The following EHMT1 variants were observed in gnomAD, a reference collection of about 807,000 sequenced individuals.
The protein encoded by EHMT1 is histone-lysine N-methyltransferase EHMT1.
Under a neutral mutation model 147.2 loss-of-function variants are expected in EHMT1, and 15 were observed. The ratio of observed to expected loss-of-function variants is 0.10; its 90% CI spans 0.07 to 0.16. The LOEUF is 0.16. EHMT1 is among the 10% of genes least tolerant of loss of function. The pLI, the probability that EHMT1 is intolerant of heterozygous loss-of-function variation, is 1.00. For synonymous variants in EHMT1, 795 were observed against 709.6 expected (o/e 1.12, Z -1.91); for missense variants, 1,587 against 1,772.4 (o/e 0.90, Z 1.88).
At chr9:137,826,366 C>G (rs1472089227) in intron 25 of EHMT1, among the ~76,000 whole-genome samples, 4 of 152,238 alleles carry the variant, frequency 2.6e-5, no homozygotes, top group African/African-American at 9.6e-5. Context: ...AGAAGATGCA[C>G]TGGGTCACCC....
At position 137,816,112 on chromosome 9, in the gene EHMT1, G is replaced by A. The variant is rs773439599; in HGVS notation, c.3374+50G>A. On this transcript the variant is annotated intron_variant, in intron 23 of 26. Coordinates refer to ENST00000460843, the MANE Select transcript of EHMT1 (RefSeq NM_024757.5). ...CCCCACATTCTGCTCGTATTAGCACGTATTAGCACGGAGGTCACCCCGACA... is the reference window on the plus strand; with the variant it reads ...CCCCACATTCTGCTCGTATTAGCACATATTAGCACGGAGGTCACCCCGACA... 9.2e-6 allele frequency: 14 copies of A among 1,517,748 alleles called. No individual in the cohort carries two copies. The Admixed American group carries it at 9.4e-5, about 10-fold the overall frequency. 94.0% of individuals were successfully genotyped at this position (1,517,748 alleles called of 1,614,324 possible).
chr9:137,743,979 A>G lies in EHMT1; in HGVS notation c.1059A>G (p.Ser353=). The G allele has an allele frequency of 6.2e-6, 10 of 1,614,048 alleles. No individual in the cohort carries two copies. Among genetic ancestry groups the G allele is most frequent in the Non-Finnish European group, 8.5e-6 (10 of 1,179,984 alleles). Residue 353 remains serine (S), a synonymous_variant, in exon 6 of 27, where the codon TCA becomes TCG. Coordinates refer to ENST00000460843, the MANE Select transcript of EHMT1 (RefSeq NM_024757.5). ...SLEMDSDEDD[S]EELEEDDGHG... ...AGATGGACTCGGATGAGGACGACTCAGAGGAGCTCGAGGAGGACGACGGCC... is the reference window on the plus strand; with the variant it reads ...AGATGGACTCGGATGAGGACGACTCGGAGGAGCTCGAGGAGGACGACGGCC...
rs1022398237 is a variant in EHMT1 at position 137,802,210 on chromosome 9, C to T, written c.2712+1226C>T. 1.1e-4 allele frequency among the ~76,000 whole-genome samples: 17 copies of T among 152,220 alleles called. No homozygotes were observed. In the East Asian group the frequency reaches 2.1e-3, roughly 19 times the overall value. On this transcript the variant is annotated intron_variant, in intron 18 of 26. Transcript: ENST00000460843. ...TGGCACTGGGCACGACAGCAAGGGG[C>T]GAGGGGGTACTCTGGTCACCTCCCA...
intron 4 of EHMT1, among the ~76,000 whole-genome samples, chr9:137,736,270 A>G (rs955238781): frequency 6.6e-6 from 1 of 152,260 alleles, no homozygotes; most frequent in Admixed American, 6.5e-5. Flanking sequence ...AGGTATAACA[A>G]TTACCTGGGT....
At position 137,637,129 on chromosome 9, in the gene EHMT1, C is replaced by A. The variant is rs536889746; in HGVS notation, c.21+18080C>A. 4.6e-5 allele frequency among the ~76,000 whole-genome samples: 7 copies of A among 151,922 alleles called. No homozygotes were observed. In the East Asian group the frequency reaches 1.2e-3, roughly 25 times the overall value. ...AGTCAGGATGGTCTCGATCTCCTGACCTCGTGATCTGCCCGTCTCCACCTC... is the reference window on the plus strand; with the variant it reads ...AGTCAGGATGGTCTCGATCTCCTGAACTCGTGATCTGCCCGTCTCCACCTC... On this transcript the variant is annotated intron_variant, in intron 1 of 26. Transcript: ENST00000460843.
At chr9:137,681,989 C>T (rs1466187805) in intron 1 of EHMT1, among the ~76,000 whole-genome samples, 3 of 152,034 alleles carry the variant, frequency 2.0e-5, no homozygotes, top group Non-Finnish European at 2.9e-5. Flanking sequence ...CTCGCTCTGT[C>T]GCCCAGGCTT....
rs1482543233 is a variant in EHMT1, at chr9:137,813,369, T to C, written c.3036-17T>C. 16 of 1,607,104 alleles carry C rather than the reference T, an allele frequency of 1.0e-5. No individual in the cohort carries two copies. In the African/African-American group the frequency reaches 1.1e-4, roughly 11 times the overall value. On this transcript the variant is annotated splice_polypyrimidine_tract_variant and intron_variant, in intron 20 of 26. Transcript: ENST00000460843. This position sits in a 1 kb window ranked among gnomAD's most constrained non-coding sequence, Gnocchi z 4.9. Reference sequence around the variant, plus strand: ...AGCACGTCAGCCACCAGGTGACACCTGTCCTTTCCATGGCAGGGACATCGC... The same window carrying C: ...AGCACGTCAGCCACCAGGTGACACCCGTCCTTTCCATGGCAGGGACATCGC...
rs1046526748 is a variant in EHMT1 at position 137,828,580 on chromosome 9, G to C, written c.3541-5769G>C. Among the ~76,000 whole-genome samples, 1 of 151,970 alleles carries C rather than the reference G, an allele frequency of 6.6e-6. No individual in the cohort carries two copies. The highest frequency in any genetic ancestry group is 1.5e-5 in the Non-Finnish European group (1 of 67,984). On this transcript the variant is annotated intron_variant, in intron 25 of 26. Transcript: ENST00000460843. This position sits in a 1 kb window ranked among gnomAD's most constrained non-coding sequence, Gnocchi z 5.3. ...AGCCACAAAGTGTGCTCCTGCGGGG[G>C]TGCGGGGTGGGGGAGGTACCACGTC...
rs1333148038 is a variant in EHMT1, at chr9:137,835,529, A to G, written c.*576A>G. 6.6e-6 allele frequency: 1 copy of G among 152,476 alleles called. No individual in the cohort carries two copies. The highest frequency in any genetic ancestry group is 1.5e-5 in the Non-Finnish European group (1 of 67,938). The allele number at this position is 152,476 out of a possible 1,614,324, so 9.4% of individuals were successfully genotyped here. On this transcript the variant is annotated 3_prime_UTR_variant, in exon 27 of 27. Coordinates refer to ENST00000460843, the MANE Select transcript of EHMT1 (RefSeq NM_024757.5). ...TGGAGAAAATGTGGGTTTGCTTTTT[A>G]AAGGAATCCTATATCTAGTCCTATA...
chr9:137,674,021 G>A (rs988204947), intron 1 of EHMT1, among the ~76,000 whole-genome samples: 2 of 152,212 alleles, frequency 1.3e-5, no homozygotes, highest in East Asian at 1.9e-4. Flanking sequence ...CAGACAAGGT[G>A]CTGACCAGCT....
At chr9:137,707,022 G>T (rs886540195) in intron 1 of EHMT1, among the ~76,000 whole-genome samples, 2 of 151,996 alleles carry the variant, frequency 1.3e-5, no homozygotes, top group Non-Finnish European at 2.9e-5. Context: ...ACGGGGTTTC[G>T]CCATGTTGGC....
At position 137,774,828 on chromosome 9, in the gene EHMT1, C is replaced by T. The variant is rs115466291; in HGVS notation, c.1648-281C>T. On this transcript the variant is annotated intron_variant, in intron 10 of 26. Transcript: ENST00000460843. The stretch of plus-strand genomic sequence containing the variant: ...GCCCCCTGGATCTGGTGGGTGTGGT[C>T]GCGCCTGGCCCACTGGACCTGCTCA... 0.021 allele frequency among the ~76,000 whole-genome samples: 3,260 copies of T among 152,196 alleles called. 99 individuals are homozygous for T. The highest frequency in any genetic ancestry group is 0.074 in the African/African-American group (3,062 of 41,496).
intron 25 of EHMT1, among the ~76,000 whole-genome samples, chr9:137,822,766 G>GCA (rs1955518622): frequency 6.6e-6 from 1 of 151,976 alleles, no homozygotes; most frequent in African/African-American, 2.4e-5. Flanking sequence ...GGTGGCGCAT[G>GCA]CCTGTAATCC....
At chr9:137,644,328 C>CT (rs34190370) in intron 1 of EHMT1, among the ~76,000 whole-genome samples, 25,361 of 145,252 alleles carry the variant, frequency 0.17, 2,368 homozygotes, top group Admixed American at 0.3. Flanking sequence ...CAGTCACATA[C>CT]TTTTTTTTTT....
intron 1 of EHMT1, chr9:137,664,968 A>G (rs972926147): frequency 6.6e-6 from 1 of 152,168 alleles, no homozygotes; most frequent in African/African-American, 2.4e-5. Flanking sequence ...CCTGGCTGGT[A>G]AGCACAGCTT....
At chr9:137,692,833 AGAGACCTGGGCAGGAGCTGAC>A (rs758135946) in intron 1 of EHMT1, among the ~76,000 whole-genome samples, 5 of 152,154 alleles carry the variant, frequency 3.3e-5, no homozygotes, top group African/African-American at 7.2e-5. Flanking sequence ...GCACCAAGGA[AGAGACCTGGGCAGGAGCTGAC>A]TTCAGAGCCG....
intron 1 of EHMT1, among the ~76,000 whole-genome samples, chr9:137,686,621 C>G (rs1003416919): frequency 6.6e-6 from 1 of 152,076 alleles, no homozygotes; most frequent in African/African-American, 2.4e-5. Context: ...AACTCCTGGC[C>G]TCAAGCTACT....
chr9:137,834,949 T>G lies in EHMT1; in HGVS notation c.3893T>G (p.Leu1298Arg). ...AGCTCCGCGGCTGCCGCCGACCCCCTATGAGACGCCGCCGGCCAGCGGGGC... is the reference window on the plus strand; with the variant it reads ...AGCTCCGCGGCTGCCGCCGACCCCCGATGAGACGCCGCCGGCCAGCGGGGC... Reference protein sequence around the residue: ...DTSSAAAADPL With the variant: ...DTSSAAAADPR The change falls in exon 27 of 27, where the codon CTA becomes CGA. Residue 1298 changes from leucine (L) to arginine (R), a missense_variant. This residue lies in a region of EHMT1 where 141 missense variants were observed against 150.8 expected (regional missense o/e 0.94). Coordinates refer to ENST00000460843, the MANE Select transcript of EHMT1 (RefSeq NM_024757.5). 6.9e-7 allele frequency: 1 copy of G among 1,454,098 alleles called. No individual in the cohort carries two copies. The highest frequency in any genetic ancestry group is 9.0e-7 in the Non-Finnish European group (1 of 1,111,860). 90.1% of individuals were successfully genotyped at this position (1,454,098 alleles called of 1,614,324 possible).
At chr9:137,650,086 C>T (rs1845197151) in intron 1 of EHMT1, among the ~76,000 whole-genome samples, 1 of 151,998 alleles carries the variant, frequency 6.6e-6, no homozygotes, top group Admixed American at 6.6e-5. Flanking sequence ...TCGTCGCCAA[C>T]ACTTGTTATT....
Sources: gnomAD v4.1 joint callset for allele counts (sites outside exome capture counted in the v4.1 genomes callset) on GRCh38, gnomAD v4.1.1 for gene constraint, gnomAD v4.1.1 regional missense constraint, Gnocchi (gnomAD v3.1) non-coding constraint, MANE v1.5 for transcripts, NCBI Gene and HGNC (gene_info 2026-07-23, HGNC 2026-07-21) for gene names.